SPMIP11: variants seen among roughly 807,000 people sequenced by gnomAD.
SPMIP11 encodes the protein long intergenic non-protein coding RNA 935.
chr12:48,760,174 T>C, the SPMIP11 span, among the ~76,000 whole-genome samples: 4 of 151,854 alleles, frequency 2.6e-5, no homozygotes, highest in South Asian at 8.4e-4. Context: ...ATGTTTCACC[T>C]TTTCTTTTCT....
At chr12:48,733,105 C>T in the SPMIP11 span, among the ~76,000 whole-genome samples, 5 of 125,412 alleles carry the variant, frequency 4.0e-5, no homozygotes, top group Non-Finnish European at 8.1e-5. Context: ...GACTGAGTCT[C>T]GCTCTTTCGC....
chr12:48,769,182 T>C, the SPMIP11 span: 1 of 1,123,672 alleles, frequency 8.9e-7, no homozygotes, highest in South Asian at 2.2e-5. Context: ...ACAAGTCTCC[T>C]GGTTGTAAAG....
At chr12:48,770,626 G>A in the SPMIP11 span, 6 of 786,970 alleles carry the variant, frequency 7.6e-6, no homozygotes, top group Non-Finnish European at 1.2e-5. Flanking sequence ...CTTAATATCA[G>A]ACTTGATATA....
chr12:48,768,390 T>G, the SPMIP11 span: 278 of 710,422 alleles, frequency 3.9e-4, 1 homozygote, highest in East Asian at 4.1e-3. Flanking sequence ...GTCACTTGCA[T>G]AATCCTCTCG....
chr12:48,735,440 T>C, the SPMIP11 span, among the ~76,000 whole-genome samples: 2 of 151,886 alleles, frequency 1.3e-5, no homozygotes, highest in Non-Finnish European at 2.9e-5. Context: ...AAACACCCTC[T>C]CTACTAAGGT....
At chr12:48,761,816 T>TG in the SPMIP11 span, among the ~76,000 whole-genome samples, 56 of 147,408 alleles carry the variant, frequency 3.8e-4, no homozygotes, top group African/African-American at 1.4e-3. Flanking sequence ...CTCAAATTCC[T>TG]GGCTCAAGTG....
chr12:48,746,852 C>T, the SPMIP11 span, among the ~76,000 whole-genome samples: 1 of 151,656 alleles, frequency 6.6e-6, no homozygotes, highest in South Asian at 2.1e-4. Context: ...ACCCGGGAGG[C>T]GGAGTTTGCA....
the SPMIP11 span, among the ~76,000 whole-genome samples, chr12:48,743,873 A>C: frequency 7.6e-6 from 1 of 131,176 alleles, no homozygotes; most frequent in Admixed American, 8.4e-5. Context: ...TAGAGGTTGC[A>C]GTGAGCTGAG....
the SPMIP11 span, among the ~76,000 whole-genome samples, chr12:48,733,113 C>T: frequency 1.7e-5 from 2 of 118,724 alleles, no homozygotes; most frequent in East Asian, 2.7e-4. Context: ...CTCGCTCTTT[C>T]GCCCAGGCTG....
chr12:48,742,850 A>C, the SPMIP11 span, among the ~76,000 whole-genome samples: 2 of 152,154 alleles, frequency 1.3e-5, no homozygotes, highest in Middle Eastern at 6.8e-3. Context: ...CTGCCATTGC[A>C]CTCCAGACTG....
chr12:48,730,071 C>T, the SPMIP11 span, among the ~76,000 whole-genome samples: 1 of 152,144 alleles, frequency 6.6e-6, no homozygotes, highest in Non-Finnish European at 1.5e-5. Context: ...CCTACCCCTA[C>T]TAGATAGAAT....
At chr12:48,756,404 G>A in the SPMIP11 span, among the ~76,000 whole-genome samples, 77 of 152,272 alleles carry the variant, frequency 5.1e-4, no homozygotes, top group East Asian at 5.6e-3. Context: ...GTACAGGGAG[G>A]GGATTCAAAC....
At chr12:48,740,647 C>T in the SPMIP11 span, among the ~76,000 whole-genome samples, 1 of 151,822 alleles carries the variant, frequency 6.6e-6, no homozygotes, top group Non-Finnish European at 1.5e-5. Flanking sequence ...CATGAGCCAC[C>T]ACACCTGGCC....
At chr12:48,758,628 T>C in the SPMIP11 span, among the ~76,000 whole-genome samples, 2 of 152,218 alleles carry the variant, frequency 1.3e-5, no homozygotes, top group Non-Finnish European at 2.9e-5. Flanking sequence ...ACATAATGAA[T>C]GCTAGGTAGC....
chr12:48,734,613 C>T, the SPMIP11 span, among the ~76,000 whole-genome samples: 15 of 152,228 alleles, frequency 9.9e-5, no homozygotes, highest in South Asian at 2.9e-3. Flanking sequence ...GGTAGAACCT[C>T]TGAAAAACTG....
chr12:48,756,942 AT>A, the SPMIP11 span, among the ~76,000 whole-genome samples: 1 of 151,764 alleles, frequency 6.6e-6, no homozygotes, highest in Non-Finnish European at 1.5e-5. Flanking sequence ...CTCCTGGCTA[AT>A]TTTTGTATTT....
chr12:48,758,919 T>C, the SPMIP11 span, among the ~76,000 whole-genome samples: 5 of 152,240 alleles, frequency 3.3e-5, no homozygotes, highest in Non-Finnish European at 5.9e-5. Flanking sequence ...CCTTTTTCAC[T>C]TGGACTAACC....
chr12:48,761,567 G>A, the SPMIP11 span, among the ~76,000 whole-genome samples: 5 of 148,974 alleles, frequency 3.4e-5, no homozygotes, highest in South Asian at 1.1e-3. Context: ...AGCTGTGATA[G>A]TGCTACTGCA....
the SPMIP11 span, among the ~76,000 whole-genome samples, chr12:48,728,695 G>A: frequency 5.4e-4 from 72 of 132,204 alleles, no homozygotes; most frequent in Non-Finnish European, 8.3e-4. Context: ...GCGACAGAGC[G>A]AGACTCTGTC....
Sources: allele counts gnomAD v4.1 joint callset (sites outside exome capture counted in the v4.1 genomes callset), GRCh38; gene constraint gnomAD v4.1.1; transcripts MANE v1.5; gene names NCBI Gene and HGNC (gene_info 2026-07-23, HGNC 2026-07-21).